Variants in GRB2 observed in about 807,000 individuals in gnomAD.
GRB2 encodes growth factor receptor bound protein 2.
Under a neutral mutation model 27.4 loss-of-function variants are expected in GRB2, and 2 were observed. That is an observed-to-expected ratio of 0.07 (90% CI 0.03 to 0.23). GRB2 has a LOEUF of 0.23. GRB2 is among the 10% of genes least tolerant of loss of function. The pLI, the probability that GRB2 is intolerant of heterozygous loss-of-function variation, is 1.00. For missense variants in GRB2, 102 were observed against 282.4 expected (o/e 0.36, Z 4.58); for synonymous variants, 94 against 99.6 (o/e 0.94, Z 0.33).
chr17:75,390,392 G>A (rs968924724), intron 2 of GRB2, among the ~76,000 whole-genome samples: 1 of 152,166 alleles, frequency 6.6e-6, no homozygotes, highest in Non-Finnish European at 1.5e-5. Flanking sequence ...CTATTTAGGG[G>A]TCTTGTCAGT....
chr17:75,361,466 G>T (rs1286677127), intron 2 of GRB2, among the ~76,000 whole-genome samples: 1 of 152,136 alleles, frequency 6.6e-6, no homozygotes. Context: ...TCCTAAAAAT[G>T]TCATCATAAA....
intron 2 of GRB2, among the ~76,000 whole-genome samples, chr17:75,334,852 T>C (rs2078566063): frequency 1.2e-5 from 1 of 80,808 alleles, no homozygotes; most frequent in Non-Finnish European, 2.8e-5. Flanking sequence ...TCTCTCAAAA[T>C]ATCTTTTTTT....
intron 2 of GRB2, among the ~76,000 whole-genome samples, chr17:75,376,190 G>C (rs2078892234): frequency 6.7e-6 from 1 of 149,316 alleles, no homozygotes. Context: ...TGAAATACAA[G>C]AAATCAGCCA....
chr17:75,379,552 C>T (rs2078914751), intron 2 of GRB2, among the ~76,000 whole-genome samples: 1 of 152,064 alleles, frequency 6.6e-6, no homozygotes, highest in Non-Finnish European at 1.5e-5. Context: ...GCATGCACCA[C>T]CACACCTGGT....
intron 2 of GRB2, among the ~76,000 whole-genome samples, chr17:75,392,031 T>C (rs1365535466): frequency 6.6e-6 from 1 of 152,160 alleles, no homozygotes; most frequent in Non-Finnish European, 1.5e-5. Context: ...AGGCTATAGA[T>C]GTGGGCATTT....
chr17:75,393,148 G>A (rs769478071), intron 2 of GRB2, among the ~76,000 whole-genome samples: 27 of 152,100 alleles, frequency 1.8e-4, no homozygotes, highest in Admixed American at 7.2e-4. Flanking sequence ...AAATCCTTTG[G>A]CTATACAAAG....
chr17:75,339,224 T>A, intron 2 of GRB2: 3 of 727,564 alleles, frequency 4.1e-6, no homozygotes, highest in South Asian at 3.2e-5. Context: ...GACAGAGTCT[T>A]GCTCTGTTGC....
intron 2 of GRB2, among the ~76,000 whole-genome samples, chr17:75,376,568 C>A (rs1006254481): frequency 1.3e-5 from 2 of 150,766 alleles, no homozygotes; most frequent in Non-Finnish European, 3.0e-5. Flanking sequence ...TACTGATTGT[C>A]TTGCACATAG....
intron 1 of GRB2, among the ~76,000 whole-genome samples, chr17:75,402,260 T>A (rs2079068586): frequency 6.6e-6 from 1 of 152,162 alleles, no homozygotes; most frequent in South Asian, 2.1e-4. Context: ...CGCTATTGCT[T>A]TCACACCACT....
At chr17:75,402,773 G>A (rs1242487880) in intron 1 of GRB2, among the ~76,000 whole-genome samples, 2 of 152,116 alleles carry the variant, frequency 1.3e-5, no homozygotes, top group Admixed American at 6.6e-5. Flanking sequence ...GTCCTTGCAT[G>A]AAATGAAAAT....
chr17:75,399,301 A>G (rs1314546629), intron 1 of GRB2, among the ~76,000 whole-genome samples: 1 of 149,440 alleles, frequency 6.7e-6, no homozygotes, highest in East Asian at 2.0e-4. Context: ...GATCCTCCCC[A>G]TCTCAGCCTT....
At chr17:75,351,596 T>G (rs2145840425) in intron 2 of GRB2, among the ~76,000 whole-genome samples, 1 of 151,878 alleles carries the variant, frequency 6.6e-6, no homozygotes, top group South Asian at 2.1e-4. Context: ...GAGGCTGCAG[T>G]AAGTTATGAT....
chr17:75,325,387 A>G (rs1487118584), intron 4 of GRB2, among the ~76,000 whole-genome samples: 1 of 152,204 alleles, frequency 6.6e-6, no homozygotes, highest in Non-Finnish European at 1.5e-5. Context: ...TGGCGGCAGA[A>G]CTTCCTGTCT....
In GRB2 at chr17:75,403,074, T is replaced by A. The variant is rs1357901588; in HGVS notation, c.-138+2415A>T. Among the ~76,000 whole-genome samples the A allele has an allele frequency of 5.3e-3, 9 of 1,698 alleles. 1 individual carries two copies. In the East Asian group the frequency reaches 0.19, roughly 35 times the overall value. 1.1% of individuals were successfully genotyped at this position (1,698 alleles called of 152,430 possible). On this transcript the variant is annotated intron_variant, in intron 1 of 5. Coordinates refer to ENST00000316804, the MANE Select transcript of GRB2 (RefSeq NM_002086.5). ...TGGGCAACAAGAGCGAGAATCTGTC[T>A]CAAAAAAAAAAAAAAAGGAAAAAGA...
intron 2 of GRB2, among the ~76,000 whole-genome samples, chr17:75,392,646 T>C (rs2079005612): frequency 6.6e-6 from 1 of 152,086 alleles, no homozygotes; most frequent in Non-Finnish European, 1.5e-5. Flanking sequence ...GAAGGAAAAA[T>C]GTCAAAACTT....
chr17:75,376,162 G>A (rs12945469), intron 2 of GRB2, among the ~76,000 whole-genome samples: 96,667 of 151,114 alleles, frequency 0.64, 37,035 homozygotes, highest in East Asian at 0.91. Context: ...AGGCAACACG[G>A]TTAAACCCCA....
chr17:75,343,568 T>C (rs1204051062), intron 2 of GRB2, among the ~76,000 whole-genome samples: 2 of 152,224 alleles, frequency 1.3e-5, no homozygotes, highest in East Asian at 1.9e-4. Context: ...AGTTGACCTC[T>C]TATCATCAAG....
At chr17:75,364,192 T>G (rs905507401) in intron 2 of GRB2, among the ~76,000 whole-genome samples, 2 of 152,172 alleles carry the variant, frequency 1.3e-5, no homozygotes, top group African/African-American at 4.8e-5. Context: ...CAAGCTGCCT[T>G]GTACATTGCC....
At chr17:75,399,959 C>T (rs1477474328) in intron 1 of GRB2, among the ~76,000 whole-genome samples, 2 of 151,962 alleles carry the variant, frequency 1.3e-5, no homozygotes, top group African/African-American at 2.4e-5. Context: ...CATGAGCCAC[C>T]GTGCCCGGCC....
Sources: allele counts gnomAD v4.1 joint callset (sites outside exome capture counted in the v4.1 genomes callset), GRCh38; gene constraint gnomAD v4.1.1; transcripts MANE v1.5; gene names NCBI Gene and HGNC (gene_info 2026-07-23, HGNC 2026-07-21).